The following TRPS1 variants were observed in gnomAD, a reference collection of about 807,000 sequenced individuals.
The protein encoded by TRPS1 is transcriptional repressor GATA binding 1.
TRPS1 carries 6 observed loss-of-function variants against 101.2 expected under a neutral mutation model. That is an observed-to-expected ratio of 0.06 (90% CI 0.03 to 0.12). The LOEUF (loss-of-function observed/expected upper bound fraction) is 0.12, where lower values mean the gene tolerates loss of function less well. TRPS1 is among the 10% of genes least tolerant of loss of function. The pLI, the probability that TRPS1 is intolerant of heterozygous loss-of-function variation, is 1.00. For missense variants in TRPS1, 1,363 were observed against 1,567.0 expected, an observed-to-expected ratio of 0.87 and a Z score of 2.20; for synonymous variants, 578 against 589.8, an observed-to-expected ratio of 0.98 and a Z score of 0.29.
At chr8:115,566,254 A>C (rs1274671246) in intron 5 of TRPS1, among the ~76,000 whole-genome samples, 1 of 152,188 alleles carries the variant, frequency 6.6e-6, no homozygotes, top group Non-Finnish European at 1.5e-5. Context: ...CCTTGATAGA[A>C]GAGCCTAAAG....
intron 5 of TRPS1, among the ~76,000 whole-genome samples, chr8:115,533,461 C>CTTTTTTTTTTTTTTG (rs1381965854): frequency 7.0e-5 from 1 of 14,254 alleles, no homozygotes; most frequent in Non-Finnish European, 1.2e-4. Context: ...TTTTTTTTTC[C>CTTTTTTTTTTTTTTG]TGAAAAAAAT....
At chr8:115,498,830 G>A (rs534101898) in intron 5 of TRPS1, among the ~76,000 whole-genome samples, 1 of 152,072 alleles carries the variant, frequency 6.6e-6, no homozygotes, top group Non-Finnish European at 1.5e-5. Flanking sequence ...CCAGACAGAA[G>A]TGAGTTAATC....
intron 5 of TRPS1, among the ~76,000 whole-genome samples, chr8:115,574,110 T>C (rs1817266164): frequency 1.3e-5 from 2 of 152,322 alleles, no homozygotes; most frequent in South Asian, 4.1e-4. Flanking sequence ...GAAATCTTGA[T>C]ATACTCATTT....
At position 115,663,765 on chromosome 8, in the gene TRPS1, C is replaced by T. The variant is rs532518409; in HGVS notation, c.-122+4780G>A. On this transcript the variant is annotated intron_variant, in intron 1 of 6. Transcript: ENST00000395715. ...AAAACTGGGATAGCAAAAAGTAGAC[C>T]GCTACGATAATAGCTGCTATATGCT... 3.3e-5 allele frequency among the ~76,000 whole-genome samples: 5 copies of T among 149,412 alleles called. No homozygotes were observed. In the East Asian group the frequency reaches 7.8e-4, roughly 23 times the overall value.
intron 5 of TRPS1, among the ~76,000 whole-genome samples, chr8:115,567,873 A>G (rs1817106890): frequency 6.6e-6 from 1 of 152,126 alleles, no homozygotes; most frequent in Non-Finnish European, 1.5e-5. Flanking sequence ...CTCTTTCAGC[A>G]TTCATGATAT....
chr8:115,523,873 T>A (rs899783599), intron 5 of TRPS1, among the ~76,000 whole-genome samples: 2 of 152,162 alleles, frequency 1.3e-5, no homozygotes, highest in African/African-American at 4.8e-5. Context: ...ACTGGAAGGC[T>A]GACAAGGTTA....
intron 5 of TRPS1, among the ~76,000 whole-genome samples, chr8:115,438,145 GT>G (rs1813503101): frequency 6.6e-6 from 1 of 152,192 alleles, no homozygotes; most frequent in Non-Finnish European, 1.5e-5. Context: ...GTACCATATA[GT>G]TTTATAGGCA....
chr8:115,447,545 T>C (rs1364454739), intron 5 of TRPS1, among the ~76,000 whole-genome samples: 1 of 152,172 alleles, frequency 6.6e-6, no homozygotes, highest in African/African-American at 2.4e-5. Flanking sequence ...GATGTAAATG[T>C]GAGTACAAAC....
At chr8:115,645,081 G>A (rs952114567) in intron 1 of TRPS1, among the ~76,000 whole-genome samples, 20 of 152,026 alleles carry the variant, frequency 1.3e-4, no homozygotes, top group African/African-American at 4.8e-4. Flanking sequence ...GAGACATAAG[G>A]TAAACACATA....
At chr8:115,652,715 T>C (rs1331716237) in intron 1 of TRPS1, among the ~76,000 whole-genome samples, 1 of 152,234 alleles carries the variant, frequency 6.6e-6, no homozygotes, top group East Asian at 1.9e-4. Context: ...TGGTCCGTAA[T>C]CAATCTACAA....
rs1433993804 is a variant in TRPS1 at position 115,499,038 on chromosome 8, T to C, written c.2701-80586A>G. Among the ~76,000 whole-genome samples the C allele has an allele frequency of 4.6e-5, 7 of 152,286 alleles. No individual in the cohort carries two copies. In the East Asian group the frequency reaches 1.4e-3, roughly 29 times the overall value. On this transcript the variant is annotated intron_variant, in intron 5 of 6. Coordinates refer to ENST00000395715, the MANE Select transcript of TRPS1 (RefSeq NM_014112.5). ...ACAAAATTTCTCAGAAATCAGATAC[T>C]ATTTTTGGCATTTAACAATATTTTT...
At chr8:115,623,541 T>A in intron 2 of TRPS1, 60 bp downstream of exon 2, 1 of 1,580,016 alleles carries the variant, frequency 6.3e-7, no homozygotes, top group East Asian at 2.3e-5. Context: ...GCACGATGTT[T>A]TACTGTGTGC....
intron 1 of TRPS1, among the ~76,000 whole-genome samples, chr8:115,640,362 G>A (rs1818867559): frequency 6.6e-6 from 1 of 152,042 alleles, no homozygotes; most frequent in East Asian, 1.9e-4. Context: ...CTTTCATGAT[G>A]GAAAACATGC....
chr8:115,578,128 T>G (rs1030975133), intron 5 of TRPS1, among the ~76,000 whole-genome samples: 3 of 152,332 alleles, frequency 2.0e-5, no homozygotes, highest in Middle Eastern at 3.4e-3. Flanking sequence ...ATTATACTAT[T>G]TACCTTGTAT....
At chr8:115,513,299 C>T (rs1318006770) in intron 5 of TRPS1, among the ~76,000 whole-genome samples, 1 of 151,624 alleles carries the variant, frequency 6.6e-6, no homozygotes, top group Non-Finnish European at 1.5e-5. Context: ...TCTTCTTGCA[C>T]TATATTCCCA....
In TRPS1 at chr8:115,604,100, C is replaced by T. The variant is rs751550383; in HGVS notation, c.1869G>A (p.Ser623=). The T allele has an allele frequency of 8.7e-6, 14 of 1,613,894 alleles. No homozygotes were observed. Among genetic ancestry groups the T allele is most frequent in the East Asian group, 2.2e-5 (1 of 44,878 alleles). The change falls in exon 4 of 7, where the codon TCG becomes TCA. Residue 623 remains serine, a synonymous_variant. Coordinates refer to ENST00000395715, the MANE Select transcript of TRPS1 (RefSeq NM_014112.5). This position sits in a 1 kb window ranked among gnomAD's most constrained non-coding sequence, Gnocchi z 4.1. ...ACTGATGGCACTGATGTTTGACTCG[C>T]GAGCTTCCAGCCGCCCCAGGAGACA... The part of the protein sequence containing the change: ...LHLSPGAAGS[S]RVKHQCHQCS...
chr8:115,625,101 G>C (rs1818476430), intron 1 of TRPS1, among the ~76,000 whole-genome samples: 1 of 151,804 alleles, frequency 6.6e-6, no homozygotes, highest in South Asian at 2.1e-4. Context: ...GCTCAACACA[G>C]GTGAACTAAA....
chr8:115,658,355 C>T (rs1811722115), intron 1 of TRPS1, among the ~76,000 whole-genome samples: 1 of 151,980 alleles, frequency 6.6e-6, no homozygotes, highest in Admixed American at 6.6e-5. Context: ...TCTAAAATTC[C>T]CAAGTACAAC....
chr8:115,656,283 C>T (rs537405125), intron 1 of TRPS1, among the ~76,000 whole-genome samples: 6 of 152,212 alleles, frequency 3.9e-5, no homozygotes, highest in Non-Finnish European at 7.4e-5. Flanking sequence ...TCATGCAAAG[C>T]AGTCGAAAAA....
Sources: allele counts gnomAD v4.1 joint callset (sites outside exome capture counted in the v4.1 genomes callset), GRCh38; gene constraint gnomAD v4.1.1; non-coding constraint Gnocchi (gnomAD v3.1); transcripts MANE v1.5; gene names NCBI Gene and HGNC (gene_info 2026-07-23, HGNC 2026-07-21).